Variants in PEPD observed in about 807,000 individuals in gnomAD.
PEPD encodes xaa-Pro dipeptidase.
In PEPD, 53 loss-of-function variants were observed where a neutral mutation model predicts 60.7. The ratio of observed to expected loss-of-function variants is 0.87; its 90% CI spans 0.70 to 1.10. The LOEUF (loss-of-function observed/expected upper bound fraction) is 1.10. Among genes scored for constraint, PEPD ranks in the 50% least tolerant of loss-of-function variants. PEPD has a pLI of 0.00. For missense variants in PEPD, 711 were observed against 711.9 expected, an observed-to-expected ratio of 1.00 and a Z score of 0.01; for synonymous variants, 267 against 284.1, an observed-to-expected ratio of 0.94 and a Z score of 0.60.
chr19:33,413,622 G>T lies in PEPD; in HGVS notation c.693C>A (p.Tyr231Ter). ...ELESLFEHYC[Y>*]SRGGMRHSSY... ...AGCTGTGGCGCATGCCGCCCCGGGA[G>T]TAGCAGTAGTGCTCGAAGAGGCTGC... Residue 231 changes from tyrosine (Y) to a stop codon, truncating the protein, a stop_gained, in exon 10 of 15, where the codon TAC becomes TAA. Coordinates refer to ENST00000244137, the MANE Select transcript of PEPD (RefSeq NM_000285.4). LOFTEE classifies it high-confidence loss of function. The T allele has an allele frequency of 6.3e-7, 1 of 1,588,010 alleles. No homozygotes were observed. The highest frequency in any genetic ancestry group is 2.3e-5 in the East Asian group (1 of 43,762).
intron 7 of PEPD, among the ~76,000 whole-genome samples, chr19:33,476,064 C>T (rs1171430002): frequency 6.6e-6 from 1 of 152,156 alleles, no homozygotes; most frequent in African/African-American, 2.4e-5. Flanking sequence ...TGGGATCTCT[C>T]TATGTTGCTC....
intron 6 of PEPD, among the ~76,000 whole-genome samples, chr19:33,489,000 A>G (rs777144327): frequency 1.3e-5 from 2 of 152,106 alleles, no homozygotes; most frequent in African/African-American, 4.8e-5. Context: ...ATCAGCCAGC[A>G]ATGCAGGCCA....
At chr19:33,439,220 C>T (rs1238469295) in intron 9 of PEPD, among the ~76,000 whole-genome samples, 1 of 152,226 alleles carries the variant, frequency 6.6e-6, no homozygotes, top group African/African-American at 2.4e-5. Context: ...GGGCACATCT[C>T]ACATGCATCA....
At chr19:33,398,219 C>T (rs1186544968) in intron 12 of PEPD, among the ~76,000 whole-genome samples, 1 of 152,254 alleles carries the variant, frequency 6.6e-6, no homozygotes, top group African/African-American at 2.4e-5. Context: ...GCTCCTCAGC[C>T]TGATGCTTGG....
At chr19:33,394,601 G>A (rs909993686) in intron 12 of PEPD, among the ~76,000 whole-genome samples, 1 of 152,230 alleles carries the variant, frequency 6.6e-6, no homozygotes, top group Non-Finnish European at 1.5e-5. Flanking sequence ...GGGGGCCCCT[G>A]GAGTGTGTGA....
rs1334787040 is a variant in PEPD at position 33,402,830 on chromosome 19, CGTGGGACAGACAGT to C, written c.819-975_819-962del. On this transcript the variant is annotated intron_variant, in intron 11 of 14. Transcript: ENST00000244137. Reference sequence around the variant, plus strand: ...AGGCAGGATGGCATGGGACAGATGGCGTGGGACAGACAGTGTGGGACAGATGACAGGAGGCCTGC... The same window carrying C: ...AGGCAGGATGGCATGGGACAGATGGCGTGGGACAGATGACAGGAGGCCTGC... Among the ~76,000 whole-genome samples the C allele has an allele frequency of 2.0e-5, 3 of 152,226 alleles. No homozygotes were observed. In the East Asian group the frequency reaches 5.8e-4, roughly 29 times the overall value.
intron 9 of PEPD, among the ~76,000 whole-genome samples, chr19:33,438,522 G>A (rs944001529): frequency 3.3e-5 from 5 of 152,230 alleles, no homozygotes; most frequent in Admixed American, 3.3e-4. Flanking sequence ...TCTTGCCAAC[G>A]GTGAGTGTTT....
chr19:33,461,006 T>C (rs1385531566), intron 9 of PEPD, among the ~76,000 whole-genome samples: 1 of 152,132 alleles, frequency 6.6e-6, no homozygotes, highest in Non-Finnish European at 1.5e-5. Flanking sequence ...GTGTGGATCC[T>C]GACTTGAACA....
intron 1 of PEPD, among the ~76,000 whole-genome samples, chr19:33,513,947 C>CTCTGCAGAAATGCCCCTTT (rs1555771548): frequency 1.3e-5 from 2 of 151,726 alleles, no homozygotes; most frequent in Non-Finnish European, 1.5e-5. Context: ...CCACCCCATC[C>CTCTGCAGAAATGCCCCTTT]CCCAGCTCTC....
chr19:33,470,819 C>T (rs1011526114), intron 7 of PEPD, among the ~76,000 whole-genome samples: 17 of 152,152 alleles, frequency 1.1e-4, no homozygotes, highest in South Asian at 2.1e-4. Context: ...GTTGCCAAAC[C>T]GGGCACAGCA....
intron 6 of PEPD, among the ~76,000 whole-genome samples, chr19:33,486,733 T>G (rs778661320): frequency 5.3e-5 from 8 of 152,074 alleles, no homozygotes; most frequent in African/African-American, 7.2e-5. Context: ...GCACCCCGAG[T>G]AGCCACACCT....
chr19:33,426,359 T>C (rs1969148624), intron 9 of PEPD, among the ~76,000 whole-genome samples: 1 of 152,270 alleles, frequency 6.6e-6, no homozygotes, highest in African/African-American at 2.4e-5. Context: ...AAATTGCTTT[T>C]TCAGCCTTAC....
intron 9 of PEPD, among the ~76,000 whole-genome samples, chr19:33,443,175 C>T (rs557703045): frequency 2.0e-5 from 3 of 152,360 alleles, no homozygotes; most frequent in East Asian, 3.9e-4. Flanking sequence ...AATCACACAG[C>T]GTGTGGCTCT....
chr19:33,505,199 G>T (rs938390734), intron 3 of PEPD, among the ~76,000 whole-genome samples: 1 of 152,068 alleles, frequency 6.6e-6, no homozygotes, highest in Admixed American at 6.5e-5. Context: ...TCCATTTCCC[G>T]CGGCCCGGCC....
chr19:33,452,754 G>C (rs965831217), intron 9 of PEPD, among the ~76,000 whole-genome samples: 1 of 152,094 alleles, frequency 6.6e-6, no homozygotes, highest in African/African-American at 2.4e-5. Flanking sequence ...GATGAATTTG[G>C]ACTAAAACAA....
At chr19:33,412,104 G>A (rs893281958) in intron 10 of PEPD, among the ~76,000 whole-genome samples, 4 of 152,210 alleles carry the variant, frequency 2.6e-5, no homozygotes, top group African/African-American at 9.6e-5. Flanking sequence ...AGCACTTTGG[G>A]AGGCCAAGAA....
chr19:33,438,147 G>A (rs980698203), intron 9 of PEPD, among the ~76,000 whole-genome samples: 3 of 152,216 alleles, frequency 2.0e-5, no homozygotes, highest in African/African-American at 7.2e-5. Flanking sequence ...GAACCCAGCT[G>A]GGATCTCAGA....
intron 12 of PEPD, among the ~76,000 whole-genome samples, chr19:33,392,828 C>A (rs1348933990): frequency 1.3e-5 from 2 of 152,176 alleles, no homozygotes; most frequent in African/African-American, 4.8e-5. Context: ...ATGGGCTCGG[C>A]TGGCGAACAG....
At chr19:33,506,405 A>T (rs1970811598) in intron 3 of PEPD, among the ~76,000 whole-genome samples, 1 of 135,544 alleles carries the variant, frequency 7.4e-6, no homozygotes. Flanking sequence ...TCACACACAC[A>T]CCCTCATCAC....
Sources: allele counts gnomAD v4.1 joint callset (sites outside exome capture counted in the v4.1 genomes callset), GRCh38; gene constraint gnomAD v4.1.1; transcripts MANE v1.5; gene names NCBI Gene and HGNC (gene_info 2026-07-23, HGNC 2026-07-21).